SLC4A4: variants seen among roughly 807,000 people sequenced by gnomAD.
The protein encoded by SLC4A4 is solute carrier family 4 member 4, also known as electrogenic sodium bicarbonate cotransporter 1.
SLC4A4 carries 27 observed loss-of-function variants against 111.5 expected under a neutral mutation model. The ratio of observed to expected loss-of-function variants is 0.24; its 90% confidence interval spans 0.18 to 0.33. SLC4A4 has a LOEUF of 0.33. Among genes scored for constraint, SLC4A4 ranks in the 10% least tolerant of loss-of-function variants. The pLI is 1.00. For missense variants in SLC4A4, 909 were observed against 1,315.5 expected (o/e 0.69, Z 4.78); for synonymous variants, 443 against 463.4 (o/e 0.96, Z 0.57).
chr4:71,351,301 A>G (rs2148904275), intron 5 of SLC4A4, among the ~76,000 whole-genome samples: 1 of 152,310 alleles, frequency 6.6e-6, no homozygotes, highest in African/African-American at 2.4e-5. Context: ...ACTTCTGCCT[A>G]CAATCAACCC....
intron 7 of SLC4A4, among the ~76,000 whole-genome samples, chr4:71,428,528 G>A (rs1723352210): frequency 1.3e-5 from 2 of 152,010 alleles, no homozygotes; most frequent in African/African-American, 2.4e-5. Flanking sequence ...ATGGAAGGTC[G>A]TGGAATTGGG....
chr4:71,080,111 G>T (rs1047371045), intron 1 of SLC4A4, among the ~76,000 whole-genome samples: 3 of 152,076 alleles, frequency 2.0e-5, no homozygotes, highest in Admixed American at 6.5e-5. Flanking sequence ...GGTCTGAAAG[G>T]ATCCTGTTGC....
At chr4:71,547,090 C>T (rs781604724) in intron 19 of SLC4A4, among the ~76,000 whole-genome samples, 12 of 151,854 alleles carry the variant, frequency 7.9e-5, no homozygotes, top group East Asian at 5.8e-4. Context: ...TCGTTTCCCA[C>T]GGCAAAACAG....
intron 2 of SLC4A4, among the ~76,000 whole-genome samples, chr4:71,148,064 T>C (rs1289995652): frequency 1.3e-5 from 2 of 152,174 alleles, no homozygotes; most frequent in Non-Finnish European, 2.9e-5. Context: ...AGGAGACTCA[T>C]GGAATCATAG....
chr4:71,391,330 A>G (rs78078894), intron 6 of SLC4A4, among the ~76,000 whole-genome samples: 222 of 152,132 alleles, frequency 1.5e-3, no homozygotes, highest in African/African-American at 5.1e-3. Context: ...TGGGTTCTCT[A>G]TTGGCTCATT....
chr4:71,533,338 C>G (rs1319670267), intron 17 of SLC4A4, among the ~76,000 whole-genome samples: 1 of 152,070 alleles, frequency 6.6e-6, no homozygotes, highest in Non-Finnish European at 1.5e-5. Flanking sequence ...AAGCTCACAT[C>G]TGCTAATTGT....
chr4:71,331,173 G>C (rs1160461926), intron 3 of SLC4A4, among the ~76,000 whole-genome samples: 1 of 152,140 alleles, frequency 6.6e-6, no homozygotes, highest in African/African-American at 2.4e-5. Flanking sequence ...GACAGTGTGG[G>C]GATTCCTCAG....
chr4:71,090,117 C>A (rs1048982352), intron 1 of SLC4A4, among the ~76,000 whole-genome samples: 1 of 152,046 alleles, frequency 6.6e-6, no homozygotes, highest in African/African-American at 2.4e-5. Context: ...CCCCCAGCCT[C>A]GCTGCCACCT....
intron 3 of SLC4A4, chr4:71,300,975 G>C (rs1725205624): frequency 2.0e-6 from 1 of 496,732 alleles, no homozygotes; most frequent in Non-Finnish European, 4.1e-6. Flanking sequence ...TCATGTGAAG[G>C]GAGCAGCTTA....
intron 3 of SLC4A4, among the ~76,000 whole-genome samples, chr4:71,305,223 G>A (rs898480217): frequency 2.0e-4 from 31 of 152,204 alleles, no homozygotes; most frequent in African/African-American, 7.0e-4. Flanking sequence ...CACAAAAATA[G>A]CACAATTATT....
chr4:71,498,088 A>C (rs1006232907), intron 16 of SLC4A4, among the ~76,000 whole-genome samples: 2 of 152,188 alleles, frequency 1.3e-5, no homozygotes, highest in Non-Finnish European at 2.9e-5. Flanking sequence ...GCAGCTGTAC[A>C]TTTGAGTATT....
chr4:71,518,709 G>A (rs1345745117), intron 16 of SLC4A4, among the ~76,000 whole-genome samples: 1 of 152,112 alleles, frequency 6.6e-6, no homozygotes, highest in Admixed American at 6.5e-5. Flanking sequence ...CTGGACCTGG[G>A]GCTCATCTGG....
At chr4:71,278,836 A>G (rs989022175) in intron 3 of SLC4A4, among the ~76,000 whole-genome samples, 1 of 152,172 alleles carries the variant, frequency 6.6e-6, no homozygotes, top group African/African-American at 2.4e-5. Flanking sequence ...GTTGAGTTGT[A>G]TGAGTTCCTA....
intron 13 of SLC4A4, among the ~76,000 whole-genome samples, chr4:71,466,953 GA>G (rs1251755030): frequency 5.7e-5 from 7 of 123,428 alleles, no homozygotes; most frequent in Admixed American, 1.6e-4. Flanking sequence ...GAGAGAGAGA[GA>G]GAGAGAGAGA....
intron 13 of SLC4A4, 93 bp downstream of exon 13, chr4:71,466,670 C>A: frequency 7.8e-7 from 1 of 1,280,496 alleles, no homozygotes; most frequent in Non-Finnish European, 1.1e-6. Context: ...TTAGGCAGAT[C>A]CAAGAATCAC....
chr4:71,267,046 C>A (rs1438315566), intron 3 of SLC4A4, among the ~76,000 whole-genome samples: 2 of 152,034 alleles, frequency 1.3e-5, no homozygotes, highest in Non-Finnish European at 2.9e-5. Flanking sequence ...ATTTCTTCAT[C>A]AAAAATATTT....
At chr4:71,521,758 G>A (rs1034482597) in intron 16 of SLC4A4, among the ~76,000 whole-genome samples, 1 of 152,158 alleles carries the variant, frequency 6.6e-6, no homozygotes, top group South Asian at 2.1e-4. Flanking sequence ...GTGTGGTAGA[G>A]GGGGATAGAG....
chr4:71,137,320 TC>T (rs753187008), intron 2 of SLC4A4, among the ~76,000 whole-genome samples: 4 of 152,224 alleles, frequency 2.6e-5, no homozygotes, highest in Non-Finnish European at 5.9e-5. Flanking sequence ...AGAGTCATCC[TC>T]CATTGATTGC....
At chr4:71,348,806 A>G (rs1729561830) in intron 4 of SLC4A4, among the ~76,000 whole-genome samples, 1 of 152,148 alleles carries the variant, frequency 6.6e-6, no homozygotes, top group African/African-American at 2.4e-5. Context: ...TACCCTATGT[A>G]GAGCTTCCTC....
Sources: gnomAD v4.1 joint callset for allele counts (sites outside exome capture counted in the v4.1 genomes callset) on GRCh38, gnomAD v4.1.1 for gene constraint, MANE v1.5 for transcripts, NCBI Gene and HGNC (gene_info 2026-07-23, HGNC 2026-07-21) for gene names.